The following CACNA1E variants were observed in gnomAD, a reference collection of about 807,000 sequenced individuals.
CACNA1E encodes the protein voltage-dependent R-type calcium channel subunit alpha-1E.
Under a neutral mutation model 259.2 loss-of-function variants are expected in CACNA1E, and 40 were observed. That is an observed-to-expected ratio of 0.15 (90% CI 0.12 to 0.20). The LOEUF (loss-of-function observed/expected upper bound fraction) is 0.20. Ranked by LOEUF, CACNA1E falls within the 10% of genes least tolerant of loss-of-function variation. The pLI, the probability that CACNA1E is intolerant of heterozygous loss-of-function variation, is 1.00. For missense variants in CACNA1E, 1,874 were observed against 3,040.1 expected, an observed-to-expected ratio of 0.62 and a Z score of 9.02; for synonymous variants, 1,104 against 1,138.5, an observed-to-expected ratio of 0.97 and a Z score of 0.61.
Position 181,742,226 on chromosome 1 carries a change from G to C in CACNA1E, c.3719+2973G>C, listed in dbSNP as rs545420813. Among the ~76,000 whole-genome samples, 5 of 152,250 alleles carry C rather than the reference G, an allele frequency of 3.3e-5. No individual in the cohort carries two copies. The South Asian group carries it at 8.3e-4, about 25-fold the overall frequency. On this transcript the variant is annotated intron_variant, in intron 25 of 47. Coordinates refer to ENST00000367573, the MANE Select transcript of CACNA1E (RefSeq NM_001205293.3). ...GAGAATTCAGCTCTCCCATCACTTTGATGGGGTTAGCCAGAGTCCCACCTG... is the reference window on the plus strand; with the variant it reads ...GAGAATTCAGCTCTCCCATCACTTTCATGGGGTTAGCCAGAGTCCCACCTG...
intron 1 of CACNA1E, among the ~76,000 whole-genome samples, chr1:181,395,869 T>C (rs1656645864): frequency 6.6e-6 from 1 of 152,244 alleles, no homozygotes; most frequent in Admixed American, 6.5e-5. Context: ...ATGAGTCAAG[T>C]GTATTTGCTA....
In CACNA1E at chr1:181,801,676, C is replaced by A. The variant is rs1662286610; in HGVS notation, c.*2842C>A. 1.3e-5 allele frequency: 2 copies of A among 152,170 alleles called. No individual in the cohort carries two copies. Among genetic ancestry groups the A allele is most frequent in the South Asian group, 4.1e-4 (2 of 4,824 alleles). The allele number at this position is 152,170 out of a possible 1,614,324, so 9.4% of individuals were successfully genotyped here. On this transcript the variant is annotated 3_prime_UTR_variant, in exon 48 of 48. Coordinates refer to ENST00000367573, the MANE Select transcript of CACNA1E (RefSeq NM_001205293.3). ...AGAGTCTGCCTCCCTTGAAAAGAGG[C>A]CCCTGTAGACCCCAACACCTATTCT...
At chr1:181,631,637 G>A (rs901747141) in intron 6 of CACNA1E, among the ~76,000 whole-genome samples, 7 of 152,180 alleles carry the variant, frequency 4.6e-5, no homozygotes, top group Admixed American at 4.6e-4. Context: ...CCTCCTGCCT[G>A]CCCCCTCAGT....
At chr1:181,689,969 C>T (rs1467631993) in intron 7 of CACNA1E, among the ~76,000 whole-genome samples, 3 of 152,158 alleles carry the variant, frequency 2.0e-5, no homozygotes, top group Non-Finnish European at 2.9e-5. Context: ...TGCAGGAACT[C>T]TTTAGTTTGA....
chr1:181,447,551 C>T (rs972933786), intron 2 of CACNA1E, among the ~76,000 whole-genome samples: 3 of 149,914 alleles, frequency 2.0e-5, no homozygotes, highest in Admixed American at 6.6e-5. Context: ...AAAAAAAAAG[C>T]AGTTAAATCT....
intron 3 of CACNA1E, among the ~76,000 whole-genome samples, chr1:181,559,884 G>A (rs1433041080): frequency 6.6e-6 from 1 of 152,230 alleles, no homozygotes; most frequent in Non-Finnish European, 1.5e-5. Flanking sequence ...TCACAGAGCT[G>A]CTGAAGGCGT....
intron 3 of CACNA1E, among the ~76,000 whole-genome samples, chr1:181,516,241 G>A (rs925338042): frequency 1.3e-5 from 2 of 151,942 alleles, no homozygotes; most frequent in Non-Finnish European, 2.9e-5. Context: ...CTGTGGATGG[G>A]GTGGGGGTTG....
intron 1 of CACNA1E, among the ~76,000 whole-genome samples, chr1:181,504,505 G>C (rs1174934340): frequency 6.6e-6 from 1 of 152,190 alleles, no homozygotes; most frequent in Non-Finnish European, 1.5e-5. Context: ...ATGTTTGCCT[G>C]GGGACACCCA....
In CACNA1E at chr1:181,372,826, ATAT is replaced by A. The variant is rs1214175272; in HGVS notation, c.-14-40305_-14-40303del. Among the ~76,000 whole-genome samples, 336 of 77,594 alleles carry A rather than the reference ATAT, an allele frequency of 4.3e-3. 2 individuals are homozygous for A. Among genetic ancestry groups the A allele is most frequent in the African/African-American group, 0.014 (302 of 22,146 alleles). 50.9% of individuals were successfully genotyped at this position (77,594 alleles called of 152,430 possible). The stretch of plus-strand genomic sequence containing the variant: ...GGATGTTGAATATATATATATATAT[ATAT>A]TTTTTTTTTAACATGAAGGGATATT... On this transcript the variant is annotated intron_variant, in intron 1 of 11. Transcript: ENST00000524607.
rs139711693 is a variant in CACNA1E at position 181,357,640 on chromosome 1, C to T, written c.-15+39517C>T. On this transcript the variant is annotated intron_variant, in intron 1 of 11. Transcript: ENST00000524607. Reference sequence around the variant, plus strand: ...TGACCAAAAGAAAACCTCCTCCTTGCTCTTTGGCAAAATTCAGCCCTGCCT... The same window carrying T: ...TGACCAAAAGAAAACCTCCTCCTTGTTCTTTGGCAAAATTCAGCCCTGCCT... 5.0e-3 allele frequency among the ~76,000 whole-genome samples: 768 copies of T among 152,298 alleles called. 4 individuals carry two copies. The highest frequency in any genetic ancestry group is 0.017 in the African/African-American group (713 of 41,552).
chr1:181,504,410 T>TA (rs1230892445), intron 1 of CACNA1E, among the ~76,000 whole-genome samples: 2 of 152,162 alleles, frequency 1.3e-5, no homozygotes, highest in Non-Finnish European at 2.9e-5. Flanking sequence ...ATGGCCTTCT[T>TA]AGTGTTCGGA....
chr1:181,389,804 C>T (rs543385950), intron 1 of CACNA1E, among the ~76,000 whole-genome samples: 1 of 152,224 alleles, frequency 6.6e-6, no homozygotes, highest in Non-Finnish European at 1.5e-5. Flanking sequence ...GAGATCAGTG[C>T]TGATTTAGAG....
At position 181,759,395 on chromosome 1, in the gene CACNA1E, CTG is replaced by C. The variant is rs10677275; in HGVS notation, c.4605+557_4605+558del. On this transcript the variant is annotated intron_variant, in intron 32 of 47. Transcript: ENST00000367573. ...GGCTAATGACCTTTAAGGGGTGTGTCTGTGTGTGTGTGTGTGTGTGTGTGTGT... is the reference window on the plus strand; with the variant it reads ...GGCTAATGACCTTTAAGGGGTGTGTCTGTGTGTGTGTGTGTGTGTGTGTGT... Among the ~76,000 whole-genome samples, 1,226 of 146,816 alleles carry C rather than the reference CTG, an allele frequency of 8.4e-3. 9 individuals are homozygous for C. Among genetic ancestry groups the C allele is most frequent in the African/African-American group, 9.5e-3 (377 of 39,686 alleles).
At chr1:181,665,558 G>C (rs1174789784) in intron 7 of CACNA1E, among the ~76,000 whole-genome samples, 4 of 152,126 alleles carry the variant, frequency 2.6e-5, no homozygotes. Flanking sequence ...GGTGATGATG[G>C]TTAACAGTAA....
intron 2 of CACNA1E, 124 bp from the exon 3 acceptor site, chr1:181,511,242 CCCTTG>C: frequency 9.2e-7 from 1 of 1,085,552 alleles, no homozygotes; most frequent in Non-Finnish European, 1.4e-6. Flanking sequence ...TCCCTTAGCA[CCCTTG>C]CTTCCCACCT....
chr1:181,371,459 G>C (rs1654707945), intron 1 of CACNA1E, among the ~76,000 whole-genome samples: 1 of 152,030 alleles, frequency 6.6e-6, no homozygotes, highest in African/African-American at 2.4e-5. Context: ...ATTCTTAGTA[G>C]AGACAAGGTC....
intron 10 of CACNA1E, 143 bp from the exon 11 acceptor site, chr1:181,716,950 C>T (rs551513473): frequency 1.8e-4 from 118 of 662,894 alleles, no homozygotes; most frequent in African/African-American, 1.7e-3. Flanking sequence ...CTACTGAGCC[C>T]GTAAGATGGG....
chr1:181,324,665 G>C (rs75271776), intron 1 of CACNA1E, among the ~76,000 whole-genome samples: 1 of 152,162 alleles, frequency 6.6e-6, no homozygotes, highest in Non-Finnish European at 1.5e-5. Context: ...CCTAGGACAG[G>C]CCTTTGTGGA....
At position 181,762,571 on chromosome 1, in the gene CACNA1E, C is replaced by A; in HGVS notation, c.4606-3C>A. 3 of 1,581,502 alleles carry A rather than the reference C, an allele frequency of 1.9e-6. No individual in the cohort carries two copies. The highest frequency in any genetic ancestry group is 3.3e-4 in the Middle Eastern group (2 of 5,998). On this transcript the variant is annotated splice_polypyrimidine_tract_variant and splice_region_variant and intron_variant, in intron 32 of 47. Transcript: ENST00000367573. Reference sequence around the variant, plus strand: ...TGTTCCTATGACTGAATTCATTTGGCAGAACTATTTCCGAGACACCTGGAA... The same window carrying A: ...TGTTCCTATGACTGAATTCATTTGGAAGAACTATTTCCGAGACACCTGGAA...
Sources: gnomAD v4.1 joint callset for allele counts (sites outside exome capture counted in the v4.1 genomes callset) on GRCh38, gnomAD v4.1.1 for gene constraint, MANE v1.5 for transcripts, NCBI Gene and HGNC (gene_info 2026-07-23, HGNC 2026-07-21) for gene names.